ZNF492: variants seen among roughly 807,000 people sequenced by gnomAD.
ZNF492 encodes zinc finger protein 492, also known as zinc finger protein 115 (Y20).
In ZNF492, 3 loss-of-function variants were observed where a neutral mutation model predicts 6.4. The ratio of observed to expected loss-of-function variants is 0.47; its 90% CI spans 0.21 to 1.22. ZNF492 has a LOEUF of 1.22. Among genes scored for constraint, ZNF492 ranks in the 50% most tolerant of loss-of-function variants. The probability of loss-of-function intolerance (pLI) is 0.22; values close to 1 mark genes in which losing one functional copy is unlikely to be tolerated. For synonymous variants in ZNF492, 112 were observed against 205.3 expected, an observed-to-expected ratio of 0.55 and a Z score of 3.89; for missense variants, 356 against 612.5, an observed-to-expected ratio of 0.58 and a Z score of 4.42.
intron 1 of ZNF492, among the ~76,000 whole-genome samples, chr19:22,635,519 A>G (rs1399643188): frequency 6.6e-6 from 1 of 152,222 alleles, no homozygotes. Flanking sequence ...GTTTGTAAAT[A>G]TTTCCCATGA....
At chr19:22,635,612 T>C (rs1029952504) in intron 1 of ZNF492, among the ~76,000 whole-genome samples, 2 of 152,260 alleles carry the variant, frequency 1.3e-5, no homozygotes, top group Admixed American at 1.3e-4. Flanking sequence ...GGCATAAAGA[T>C]CTTATGAGAA....
intron 3 of ZNF492, among the ~76,000 whole-genome samples, chr19:22,655,625 A>G (rs1971986264): frequency 6.8e-6 from 1 of 146,478 alleles, no homozygotes; most frequent in Non-Finnish European, 1.5e-5. Flanking sequence ...AGATCAAATG[A>G]TCTACAAAAA....
rs946760879 is a variant in ZNF492 at position 22,667,154 on chromosome 19, G to C, written c.*1889G>C. The stretch of plus-strand genomic sequence containing the variant: ...GAGGCAGGAGAATCACTTGAACCCG[G>C]GAAGCAGAGGTTGCGGTGAGCCGAG... On this transcript the variant is annotated 3_prime_UTR_variant, in exon 4 of 4. Transcript: ENST00000456783. 6.6e-6 allele frequency: 1 copy of C among 152,236 alleles called. No homozygotes were observed. The highest frequency in any genetic ancestry group is 2.4e-5 in the African/African-American group (1 of 41,432). The allele number at this position is 152,236 out of a possible 1,614,324, so 9.4% of individuals were successfully genotyped here. A position where few individuals can be genotyped will look rare whatever the true frequency, so the allele number is the denominator to read the frequency against.
chr19:22,636,956 C>CGTTT (rs775718415), intron 1 of ZNF492, among the ~76,000 whole-genome samples: 33 of 119,474 alleles, frequency 2.8e-4, no homozygotes, highest in African/African-American at 4.0e-4. Flanking sequence ...TTTTAGTAAA[C>CGTTT]CTTTTTTTTT....
rs555919804 is a variant in ZNF492, at chr19:22,667,468, G to A, written c.*2203G>A. ...TATTCTGATAAGAGGCATACAATAT[G>A]TAATAATCACATTAGGGTAAATGAG... On this transcript the variant is annotated 3_prime_UTR_variant, in exon 4 of 4. Transcript: ENST00000456783. 42 of 151,988 alleles carry A rather than the reference G, an allele frequency of 2.8e-4. No homozygotes were observed. Among genetic ancestry groups the A allele is most frequent in the South Asian group, 2.3e-3 (11 of 4,816 alleles). The allele number at this position is 151,988 out of a possible 1,614,324, so 9.4% of individuals were successfully genotyped here.
chr19:22,654,709 C>A (rs1438901165), intron 3 of ZNF492, among the ~76,000 whole-genome samples: 1 of 150,208 alleles, frequency 6.7e-6, no homozygotes, highest in Non-Finnish European at 1.5e-5. Context: ...TCAAGCGATT[C>A]TTCTGCCTCA....
chr19:22,637,511 G>A (rs1971781542), intron 1 of ZNF492, among the ~76,000 whole-genome samples: 1 of 151,578 alleles, frequency 6.6e-6, no homozygotes, highest in Non-Finnish European at 1.5e-5. Flanking sequence ...GCCCTGGGTG[G>A]CCTCAAACTT....
chr19:22,663,902 A>G lies in ZNF492; in HGVS notation c.233A>G (p.Asn78Ser), dbSNP rs1972086147. The change falls in exon 4 of 4, where the codon AAT becomes AGT. Residue 78 changes from asparagine (N) to serine (S), a missense_variant. By Grantham distance (46) the Asn-to-Ser change is conservative. Transcript: ENST00000456783. ...LRRYKKCGCE[N>S]LQLRKYCKSM... ...AGATATAAAAAATGTGGATGTGAAA[A>G]TTTACAGTTAAGAAAATACTGTAAA... 1 of 1,595,002 alleles carries G rather than the reference A, an allele frequency of 6.3e-7. No homozygotes were observed. Among genetic ancestry groups the G allele is most frequent in the Non-Finnish European group, 8.5e-7 (1 of 1,172,498 alleles).
chr19:22,652,310 C>G (rs1456081046), intron 1 of ZNF492, among the ~76,000 whole-genome samples: 1 of 128,894 alleles, frequency 7.8e-6, no homozygotes, highest in East Asian at 2.2e-4. Flanking sequence ...TCACTGCAAG[C>G]TCCGCTTCCC....
intron 3 of ZNF492, among the ~76,000 whole-genome samples, chr19:22,656,113 G>A (rs1185061919): frequency 2.1e-5 from 3 of 144,798 alleles, no homozygotes; most frequent in South Asian, 2.1e-4. Context: ...ATGAGCCACC[G>A]CGCCTGGCCC....
chr19:22,660,235 C>A (rs1419441600), intron 3 of ZNF492, among the ~76,000 whole-genome samples: 1 of 151,924 alleles, frequency 6.6e-6, no homozygotes, highest in Admixed American at 6.6e-5. Flanking sequence ...AAGTATGTCT[C>A]GATTTGAAAG....
intron 1 of ZNF492, among the ~76,000 whole-genome samples, chr19:22,641,830 G>A (rs1023504461): frequency 6.6e-6 from 1 of 151,984 alleles, no homozygotes; most frequent in African/African-American, 2.4e-5. Flanking sequence ...GTCTTGCTCT[G>A]TTGCCCAGGC....
In ZNF492 at chr19:22,634,373, G is replaced by T; in HGVS notation, c.-195G>T. 1 of 1,199,350 alleles carries T rather than the reference G, an allele frequency of 8.3e-7. No homozygotes were observed. Among genetic ancestry groups the T allele is most frequent in the Non-Finnish European group, 1.2e-6 (1 of 829,194 alleles). 74.3% of individuals were successfully genotyped at this position (1,199,350 alleles called of 1,614,324 possible). A position where few individuals can be genotyped will look rare whatever the true frequency, so the allele number is the denominator to read the frequency against. ...AGTATGGTCTAGTGTTCGCTGTTCTGCGTCCTCTGGTCCTAGAGGCCCATC... is the reference window on the plus strand; with the variant it reads ...AGTATGGTCTAGTGTTCGCTGTTCTTCGTCCTCTGGTCCTAGAGGCCCATC... On this transcript the variant is annotated 5_prime_UTR_variant, in exon 1 of 4. Coordinates refer to ENST00000456783, the MANE Select transcript of ZNF492 (RefSeq NM_020855.3).
At chr19:22,652,871 T>G (rs1971955784) in intron 1 of ZNF492, among the ~76,000 whole-genome samples, 2 of 152,062 alleles carry the variant, frequency 1.3e-5, no homozygotes, top group South Asian at 4.1e-4. Context: ...GAGCCATCGC[T>G]CCCAGCCCAG....
chr19:22,655,879 C>T lies in ZNF492; in HGVS notation c.130+1864C>T, dbSNP rs1433808131. On this transcript the variant is annotated intron_variant, in intron 3 of 3. Coordinates refer to ENST00000456783, the MANE Select transcript of ZNF492 (RefSeq NM_020855.3). ...TCACTCTGTCGCTGAGACTGGAGTG[C>T]AGTGGCGCGGCCTCGGCTCACTGCA... Among the ~76,000 whole-genome samples the T allele has an allele frequency of 4.8e-5, 6 of 125,172 alleles. No individual in the cohort carries two copies. The Admixed American group carries it at 4.9e-4, about 10-fold the overall frequency. The allele number at this position is 125,172 out of a possible 152,430, so 82.1% of individuals were successfully genotyped here.
At chr19:22,641,093 G>C (rs887514470) in intron 1 of ZNF492, among the ~76,000 whole-genome samples, 2 of 151,998 alleles carry the variant, frequency 1.3e-5, no homozygotes, top group African/African-American at 4.8e-5. Flanking sequence ...AGTTTTTCAT[G>C]TCAAAATCTT....
rs769381830 is a variant in ZNF492, at chr19:22,664,097, G to A, written c.428G>A (p.Cys143Tyr). Residue 143 changes from cysteine (C) to tyrosine (Y), a missense_variant, in exon 4 of 4, where the codon TGT (cysteine) becomes TAT (tyrosine). Transcript: ENST00000456783. ...IRHTGKKSFK[C>Y]KECEKSFCML... ...CATACTGGAAAGAAATCTTTCAAATGTAAAGAATGTGAAAAGTCATTTTGC... is the reference window on the plus strand; with the variant it reads ...CATACTGGAAAGAAATCTTTCAAATATAAAGAATGTGAAAAGTCATTTTGC... 3.1e-6 allele frequency: 5 copies of A among 1,604,928 alleles called. No homozygotes were observed. The highest frequency in any genetic ancestry group is 1.7e-5 in the Admixed American group (1 of 57,706).
intron 1 of ZNF492, among the ~76,000 whole-genome samples, chr19:22,642,311 T>A (rs1200448303): frequency 2.0e-5 from 3 of 151,998 alleles, no homozygotes; most frequent in Non-Finnish European, 4.4e-5. Context: ...AGCATTTAGA[T>A]TATATGTAGG....
intron 1 of ZNF492, among the ~76,000 whole-genome samples, chr19:22,647,999 GC>G (rs1971902242): frequency 6.6e-6 from 1 of 152,122 alleles, no homozygotes; most frequent in African/African-American, 2.4e-5. Flanking sequence ...CTCCCAAAAT[GC>G]TGGGATTACA....
Sources: allele counts gnomAD v4.1 joint callset (sites outside exome capture counted in the v4.1 genomes callset), GRCh38; gene constraint gnomAD v4.1.1; transcripts MANE v1.5; gene names NCBI Gene and HGNC (gene_info 2026-07-23, HGNC 2026-07-21).